The following PTGER3 variants were observed in gnomAD, a reference collection of about 807,000 sequenced individuals.
PTGER3 encodes the protein prostaglandin E2 receptor EP3 subtype.
PTGER3 carries 22 observed loss-of-function variants against 34.7 expected under a neutral mutation model. The observed-to-expected ratio is 0.63, with a 90% confidence interval of 0.45 to 0.91. PTGER3 has a LOEUF of 0.91. PTGER3 is among the 40% of genes least tolerant of loss of function. The pLI is 0.00. For synonymous variants in PTGER3, 241 were observed against 230.1 expected (o/e 1.05, Z -0.43); for missense variants, 468 against 519.4 (o/e 0.90, Z 0.96).
At chr1:71,021,998 T>G (rs1248922234) in intron 1 of PTGER3, among the ~76,000 whole-genome samples, 2 of 151,888 alleles carry the variant, frequency 1.3e-5, no homozygotes, top group Non-Finnish European at 2.9e-5. Flanking sequence ...TTGCACAGTA[T>G]AATCCAAATT....
chr1:71,021,078 T>TTA (rs1480012108), intron 1 of PTGER3, among the ~76,000 whole-genome samples: 6 of 152,092 alleles, frequency 3.9e-5, no homozygotes, highest in African/African-American at 1.4e-4. Context: ...AAAAAAATGC[T>TTA]TAGGGGAATA....
chr1:70,927,752 C>A (rs1011606081), intron 4 of PTGER3, among the ~76,000 whole-genome samples: 1 of 152,088 alleles, frequency 6.6e-6, no homozygotes, highest in Non-Finnish European at 1.5e-5. Context: ...GAGAAACTCT[C>A]AGGGGGATAG....
intron 4 of PTGER3, among the ~76,000 whole-genome samples, chr1:70,885,263 C>T (rs1410159784): frequency 1.3e-5 from 2 of 152,056 alleles, no homozygotes; most frequent in African/African-American, 4.8e-5. Context: ...TATATTCTAA[C>T]ATCATTACTC....
At chr1:70,864,188 GT>G (rs952155079) in intron 4 of PTGER3, among the ~76,000 whole-genome samples, 77 of 151,204 alleles carry the variant, frequency 5.1e-4, no homozygotes, top group Middle Eastern at 3.4e-3. Flanking sequence ...TTTACTTCTA[GT>G]TTTTTTTTAT....
At chr1:70,871,787 AT>A (rs1203473970) in intron 4 of PTGER3, among the ~76,000 whole-genome samples, 1 of 151,614 alleles carries the variant, frequency 6.6e-6, no homozygotes, top group East Asian at 1.9e-4. Flanking sequence ...TGGACTTGCA[AT>A]TTTTTTTTAA....
At chr1:70,858,789 A>G (rs1645865302) in intron 4 of PTGER3, among the ~76,000 whole-genome samples, 1 of 152,216 alleles carries the variant, frequency 6.6e-6, no homozygotes. Flanking sequence ...TTTCAGTAGT[A>G]AAATAGAGGT....
At chr1:71,010,973 T>C in intron 2 of PTGER3, 1 of 985,682 alleles carries the variant, frequency 1.0e-6, no homozygotes, top group South Asian at 4.7e-5. Flanking sequence ...TGCAAGAAAC[T>C]GCAAATGAAA....
intron 4 of PTGER3, among the ~76,000 whole-genome samples, chr1:70,874,975 C>A (rs1285980019): frequency 2.0e-5 from 3 of 152,176 alleles, no homozygotes. Context: ...TCTGCCCAGA[C>A]AGGATTGCAT....
rs1047262520 is a variant in PTGER3 at position 70,996,559 on chromosome 1, C to T, written c.1077+15746G>A. ...CACTGCAAGCTCCGCCTCGTGGGTT[C>T]ATGCCATTCTCCTGCCTCAGCCTCC... On this transcript the variant is annotated intron_variant, in intron 2 of 3. Transcript: ENST00000306666. Among the ~76,000 whole-genome samples, 72 of 152,040 alleles carry T rather than the reference C, an allele frequency of 4.7e-4. 1 individual carries two copies. The East Asian group carries it at 6.4e-3, about 13-fold the overall frequency.
At chr1:71,027,702 T>C (rs1001575111) in intron 1 of PTGER3, among the ~76,000 whole-genome samples, 2 of 152,118 alleles carry the variant, frequency 1.3e-5, no homozygotes, top group East Asian at 3.8e-4. Flanking sequence ...AGCACATGTA[T>C]GCTTTTGCAT....
chr1:71,042,788 A>G (rs1573012569), intron 1 of PTGER3, among the ~76,000 whole-genome samples: 1 of 152,232 alleles, frequency 6.6e-6, no homozygotes, highest in East Asian at 1.9e-4. Flanking sequence ...AAATGAAAAA[A>G]AATCACAACT....
downstream of PTGER3, among the ~76,000 whole-genome samples, chr1:70,966,677 C>T (rs1238719371): frequency 6.6e-6 from 1 of 152,096 alleles, no homozygotes; most frequent in African/African-American, 2.4e-5. Context: ...TCAGCTCCCA[C>T]TTATGAATGA....
chr1:70,927,834 T>C (rs1648265122), intron 4 of PTGER3, among the ~76,000 whole-genome samples: 1 of 151,962 alleles, frequency 6.6e-6, no homozygotes, highest in South Asian at 2.1e-4. Context: ...TCAAGTAAAA[T>C]AGAAATTGTA....
chr1:70,865,726 T>G, intron 4 of PTGER3: 1 of 1,365,978 alleles, frequency 7.3e-7, no homozygotes, highest in Non-Finnish European at 9.8e-7. Context: ...GTGGAAGTTG[T>G]GGATGTGATG....
At chr1:71,004,282 G>A (rs1321453370) in intron 2 of PTGER3, among the ~76,000 whole-genome samples, 2 of 152,102 alleles carry the variant, frequency 1.3e-5, no homozygotes, top group South Asian at 2.1e-4. Context: ...TTTCAGTGTG[G>A]TAGGTAAACC....
At chr1:70,889,855 T>G (rs897350194) in intron 4 of PTGER3, among the ~76,000 whole-genome samples, 1 of 151,732 alleles carries the variant, frequency 6.6e-6, no homozygotes, top group Admixed American at 6.6e-5. Flanking sequence ...GCTTCTTCCC[T>G]TGGGACAGTT....
chr1:70,860,288 C>A (rs920547398), intron 4 of PTGER3, among the ~76,000 whole-genome samples: 16 of 152,084 alleles, frequency 1.1e-4, no homozygotes, highest in African/African-American at 3.9e-4. Context: ...ATATTTTATT[C>A]AATGCCATTT....
intron 4 of PTGER3, among the ~76,000 whole-genome samples, chr1:70,939,534 G>A (rs985806512): frequency 2.0e-5 from 3 of 152,244 alleles, no homozygotes; most frequent in East Asian, 1.9e-4. Context: ...CGCCCCTGCA[G>A]CAAACTTTTG....
chr1:70,944,297 C>T (rs1456841203), intron 4 of PTGER3, among the ~76,000 whole-genome samples: 1 of 152,076 alleles, frequency 6.6e-6, no homozygotes, highest in Non-Finnish European at 1.5e-5. Flanking sequence ...GCTAGAACTT[C>T]TGAGAAATTG....
Sources: allele counts gnomAD v4.1 joint callset (sites outside exome capture counted in the v4.1 genomes callset), GRCh38; gene constraint gnomAD v4.1.1; transcripts MANE v1.5; gene names NCBI Gene and HGNC (gene_info 2026-07-23, HGNC 2026-07-21).